The following NUP188 variants were observed in gnomAD, a reference collection of about 807,000 sequenced individuals.
NUP188 encodes the protein nucleoporin 188, also known as nucleoporin NUP188.
In NUP188, 97 loss-of-function variants were observed where a neutral mutation model predicts 223.0. The ratio of observed to expected loss-of-function variants is 0.43; its 90% CI spans 0.37 to 0.51. The LOEUF (loss-of-function observed/expected upper bound fraction) is 0.51. Among genes scored for constraint, NUP188 ranks in the 20% least tolerant of loss-of-function variants. NUP188 has a pLI of 0.00. For synonymous variants in NUP188, 869 were observed against 828.0 expected (o/e 1.05, Z -0.85); for missense variants, 1,947 against 2,175.6 (o/e 0.89, Z 2.09).
chr9:128,957,743 C>T (rs899654319), intron 5 of NUP188, among the ~76,000 whole-genome samples: 7 of 152,208 alleles, frequency 4.6e-5, no homozygotes, highest in East Asian at 1.9e-4. Flanking sequence ...GGATTACAGG[C>T]GTGAGCCACC....
At chr9:128,996,634 G>T (rs1167474304) in intron 30 of NUP188, among the ~76,000 whole-genome samples, 1 of 152,066 alleles carries the variant, frequency 6.6e-6, no homozygotes, top group Non-Finnish European at 1.5e-5. Context: ...GACCCCTAAG[G>T]CTCCAAACAC....
chr9:129,000,508 C>T (rs1342718777), intron 34 of NUP188, among the ~76,000 whole-genome samples: 2 of 151,128 alleles, frequency 1.3e-5, no homozygotes, highest in African/African-American at 2.4e-5. Flanking sequence ...TTCATAGAGA[C>T]GGGGTTTCAC....
chr9:128,995,553 T>G, intron 30 of NUP188, 39 bp downstream of exon 30: 27 of 1,482,252 alleles, frequency 1.8e-5, no homozygotes, highest in Non-Finnish European at 2.4e-5. Flanking sequence ...TTTGGTACCT[T>G]AGCAATGATG....
intron 32 of NUP188, among the ~76,000 whole-genome samples, 197 bp from the exon 33 acceptor site, chr9:128,998,975 A>G (rs567700837): frequency 1.9e-4 from 28 of 150,154 alleles, no homozygotes; most frequent in Non-Finnish European, 3.6e-4. Flanking sequence ...TCGTGCCTCA[A>G]CCTCCCTAGT....
intron 3 of NUP188, 138 bp from the exon 4 acceptor site, chr9:128,956,212 C>G: frequency 8.6e-6 from 3 of 348,318 alleles, no homozygotes; most frequent in East Asian, 6.5e-5. Flanking sequence ...TGTGTGTGTG[C>G]GTGTGTGTGT....
intron 11 of NUP188, among the ~76,000 whole-genome samples, chr9:128,972,361 C>T (rs763251829): frequency 1.8e-4 from 27 of 152,190 alleles, no homozygotes; most frequent in Non-Finnish European, 3.7e-4. Flanking sequence ...GTATATGATT[C>T]CAACTACGTG....
chr9:128,983,392 G>A lies in NUP188; in HGVS notation c.1884+12G>A. ...GCAATCCAGCAAAGGTGAGATGCCA[G>A]ATCTTCCCAAGAGCCAAAAATGTAG... On this transcript the variant is annotated intron_variant, in intron 18 of 43. Coordinates refer to ENST00000372577, the MANE Select transcript of NUP188 (RefSeq NM_015354.3). 6.2e-7 allele frequency: 1 copy of A among 1,614,122 alleles called. No individual in the cohort carries two copies.
chr9:128,957,184 A>C (rs1265856003), intron 5 of NUP188, 152 bp downstream of exon 5: 1 of 553,944 alleles, frequency 1.8e-6, no homozygotes, highest in Non-Finnish European at 3.2e-6. Flanking sequence ...GCTTTAAAAA[A>C]AACATGACCT....
Position 128,998,589 on chromosome 9 carries a change from A to G in NUP188, c.3481A>G (p.Thr1161Ala), listed in dbSNP as rs1842573024. ...NCLRLGSMKC[T>A]LLLILLRQWK... ...CCTTCGCCTTGGCTCCATGAAGTGC[A>G]CTCTGCTGCTTATCCTCCTCCGGCA... Residue 1161 changes from threonine to alanine, a missense_variant, in exon 32 of 44, where the codon ACT (threonine) becomes GCT (alanine). This residue lies in a region of NUP188 where 905 missense variants were observed against 990.6 expected (regional missense o/e 0.91). Coordinates refer to ENST00000372577, the MANE Select transcript of NUP188 (RefSeq NM_015354.3). 6.2e-7 allele frequency: 1 copy of G among 1,613,890 alleles called. No homozygotes were observed. Among genetic ancestry groups the G allele is most frequent in the African/African-American group, 1.3e-5 (1 of 74,878 alleles).
Position 129,006,544 on chromosome 9 carries a change from G to C in NUP188, c.5116G>C (p.Ala1706Pro). 1 of 1,613,910 alleles carries C rather than the reference G, an allele frequency of 6.2e-7. No homozygotes were observed. The highest frequency in any genetic ancestry group is 8.5e-7 in the Non-Finnish European group (1 of 1,179,960). ...SSLSRYFRRG[A>P]PSSPATGVLP... ...CCTCTCGCGCTACTTCCGCCGGGGA[G>C]CCCCCAGCTCCCCTGCCACTGGTGT... The change falls in exon 44 of 44, where the codon GCC becomes CCC. Residue 1706 changes from alanine to proline, a missense_variant. By Grantham distance (27) the Ala-to-Pro change is conservative (BLOSUM62 -1). Transcript: ENST00000372577.
In NUP188 at chr9:129,001,104, T is replaced by C. The variant is rs1487473793; in HGVS notation, c.3844-425T>C. On this transcript the variant is annotated intron_variant, in intron 34 of 43. Coordinates refer to ENST00000372577, the MANE Select transcript of NUP188 (RefSeq NM_015354.3). ...GGTTGAAAGGCCACTGGTACAAGGA[T>C]AGATTAGAGAGGATGGAGCAGGATT... 2.0e-5 allele frequency among the ~76,000 whole-genome samples: 3 copies of C among 152,114 alleles called. No individual in the cohort carries two copies. The East Asian group carries it at 5.8e-4, about 29-fold the overall frequency.
rs530583098 is a variant in NUP188, at chr9:128,958,703, T to A, written c.373-99T>A. 49 of 552,334 alleles carry A rather than the reference T, an allele frequency of 8.9e-5. No individual in the cohort carries two copies. In the South Asian group the frequency reaches 2.2e-3, roughly 25 times the overall value. The allele number at this position is 552,334 out of a possible 1,614,324, so 34.2% of individuals were successfully genotyped here. ...GATTCCTTATTTATATAAATTGAAC[T>A]TTTCCATCCACATCTTTAAGTGAAA... is the stretch of plus-strand genomic sequence containing the variant. On this transcript the variant is annotated intron_variant, in intron 6 of 43. Transcript: ENST00000372577.
In NUP188 at chr9:129,006,586, G is replaced by GGC; in HGVS notation, c.5159_5160dup (p.Lys1721AlafsTer17). 6.2e-7 allele frequency: 1 copy of GGC among 1,614,196 alleles called. No homozygotes were observed. Among genetic ancestry groups the GGC allele is most frequent in the East Asian group, 2.2e-5 (1 of 44,874 alleles). ...CACTGGTGTCCTCCCCTCGCCGCAGGGCAAGTCCACCTCTCTCTCCAAAGC... is the reference window on the plus strand; with the variant it reads ...CACTGGTGTCCTCCCCTCGCCGCAGGGCGCAAGTCCACCTCTCTCTCCAAAGC... On this transcript the variant is annotated frameshift_variant, in exon 44 of 44. Transcript: ENST00000372577. LOFTEE classifies it high-confidence loss of function.
At chr9:129,003,204 G>A in intron 37 of NUP188, 113 bp from the exon 38 acceptor site, 1 of 1,345,898 alleles carries the variant, frequency 7.4e-7, no homozygotes, top group Non-Finnish European at 1.0e-6. Context: ...CCATTTCTTT[G>A]CCAACTCAGC....
chr9:128,960,245 T>G (rs896111816), intron 8 of NUP188, among the ~76,000 whole-genome samples: 2 of 150,788 alleles, frequency 1.3e-5, no homozygotes, highest in Non-Finnish European at 2.9e-5. Context: ...TTGTTTTTGT[T>G]TTTTTTGTTT....
chr9:128,987,289 A>G (rs1842351108), intron 22 of NUP188, among the ~76,000 whole-genome samples: 1 of 151,956 alleles, frequency 6.6e-6, no homozygotes, highest in South Asian at 2.1e-4. Flanking sequence ...CTTTCTTTCC[A>G]TGCTACTGCT....
Position 128,968,500 on chromosome 9 carries a change from G to A in NUP188, c.586-6G>A, listed in dbSNP as rs1011485104. The A allele has an allele frequency of 1.2e-6, 2 of 1,611,690 alleles. No individual in the cohort carries two copies. Among genetic ancestry groups the A allele is most frequent in the Middle Eastern group, 1.7e-4 (1 of 6,048 alleles). On this transcript the variant is annotated splice_polypyrimidine_tract_variant and splice_region_variant and intron_variant, in intron 8 of 43. Coordinates refer to ENST00000372577, the MANE Select transcript of NUP188 (RefSeq NM_015354.3). ...CTCTCCCATTTTGTTTTCATTGGTT[G>A]TACAGACAGAGCGCCAAGTGTCTCG...
rs560997102 is a variant in NUP188 at position 128,999,099 on chromosome 9, C to T, written c.3516-73C>T. The T allele has an allele frequency of 3.0e-5, 39 of 1,281,632 alleles. No homozygotes were observed. In the Admixed American group the frequency reaches 3.6e-4, roughly 12 times the overall value. The allele number at this position is 1,281,632 out of a possible 1,614,324, so 79.4% of individuals were successfully genotyped here. The stretch of plus-strand genomic sequence containing the variant: ...AACTCCTGACCTCAGGTGATCCACC[C>T]GCCTTGGCCTCCCAAAGTGCTAGGA... On this transcript the variant is annotated intron_variant, in intron 32 of 43. Coordinates refer to ENST00000372577, the MANE Select transcript of NUP188 (RefSeq NM_015354.3).
chr9:128,968,507 C>G lies in NUP188; in HGVS notation c.587C>G (p.Thr196Arg). 1.2e-6 allele frequency: 2 copies of G among 1,613,184 alleles called. No homozygotes were observed. Among genetic ancestry groups the G allele is most frequent in the East Asian group, 4.5e-5 (2 of 44,882 alleles). The change falls in exon 9 of 44, where the codon ACA becomes AGA. Residue 196 changes from threonine to arginine, a missense_variant and splice_region_variant. Thr to Arg is a moderately conservative substitution (Grantham distance 71). This residue lies in a region of NUP188 where 817 missense variants were observed against 865.8 expected (regional missense o/e 0.94). Transcript: ENST00000372577. ...PTWETHGNLM[T>R]ERQVSRWFVQ... Reference sequence around the variant, plus strand: ...ATTTTGTTTTCATTGGTTGTACAGACAGAGCGCCAAGTGTCTCGCTGGTTT... The same window carrying G: ...ATTTTGTTTTCATTGGTTGTACAGAGAGAGCGCCAAGTGTCTCGCTGGTTT...
Sources: allele counts gnomAD v4.1 joint callset (sites outside exome capture counted in the v4.1 genomes callset), GRCh38; gene constraint gnomAD v4.1.1; regional missense constraint gnomAD v4.1.1; transcripts MANE v1.5; gene names NCBI Gene and HGNC (gene_info 2026-07-23, HGNC 2026-07-21).